MSH6: variants seen among roughly 807,000 people sequenced by gnomAD.
MSH6 encodes the protein DNA mismatch repair protein Msh6.
MSH6 carries 85 observed loss-of-function variants against 119.1 expected under a neutral mutation model. The ratio of observed to expected loss-of-function variants is 0.71; its 90% CI spans 0.60 to 0.85. MSH6 has a LOEUF of 0.85. Ranked by LOEUF, MSH6 falls within the 40% of genes least tolerant of loss-of-function variation. The pLI is 0.00. For missense variants in MSH6, 2,163 were observed against 1,655.3 expected (o/e 1.31, Z -5.32); for synonymous variants, 830 against 586.9 (o/e 1.41, Z -5.99).
intron 6 of MSH6, among the ~76,000 whole-genome samples, chr2:47,805,413 G>A (rs1435875541): frequency 2.0e-5 from 3 of 152,086 alleles, no homozygotes; most frequent in Admixed American, 2.0e-4. Flanking sequence ...CCTGACCTCA[G>A]GTGATCTGCT....
rs184131049 is a variant in MSH6 at position 47,806,642 on chromosome 2, G to T, written c.3992G>T (p.Arg1331Leu). Residue 1331 changes from arginine to leucine, a missense_variant, in exon 9 of 10, where the codon CGA becomes CTA. By Grantham distance (102) the Arg-to-Leu change is moderately radical. Coordinates refer to ENST00000234420, the MANE Select transcript of MSH6 (RefSeq NM_000179.3). ...REFEKMNQSLRLFREVCLASE... is the reference protein window; with the variant it reads ...REFEKMNQSLLLFREVCLASE... ...TTTGAGAAGATGAATCAGTCACTAC[G>T]ATTATTTCGGTAACTAACTAACTAT... The T allele has an allele frequency of 2.5e-6, 4 of 1,609,250 alleles. No homozygotes were observed. The African/African-American group carries it at 4.0e-5, about 16-fold the overall frequency.
intron 2 of MSH6, among the ~76,000 whole-genome samples, chr2:47,795,422 A>ATGTG (rs10699372): frequency 0.19 from 26,950 of 141,610 alleles, 3,520 homozygotes; most frequent in East Asian, 0.59. Context: ...AAGTTATTTT[A>ATGTG]TGTGTGTGTG....
chr2:47,795,973 A>C lies in MSH6; in HGVS notation c.537A>C (p.Ala179=). ...AAATACTGAGAGCAATGCAACGTGC[A>C]GATGAAGCCTTAAATAAAGACAAGA... ...KPEILRAMQR[A]DEALNKDKIK... is the part of the protein sequence containing the mutation. The change falls in exon 3 of 10, where the codon GCA becomes GCC. Residue 179 remains alanine (A), a synonymous_variant. Coordinates refer to ENST00000234420, the MANE Select transcript of MSH6 (RefSeq NM_000179.3). 6.2e-7 allele frequency: 1 copy of C among 1,614,192 alleles called. No individual in the cohort carries two copies. The highest frequency in any genetic ancestry group is 8.5e-7 in the Non-Finnish European group (1 of 1,180,012).
chr2:47,807,794 A>C, downstream of MSH6: 1 of 270,070 alleles, frequency 3.7e-6, no homozygotes, highest in Non-Finnish European at 7.1e-6. Flanking sequence ...TTACTACTGC[A>C]AATTGGACTG....
rs770011795 is a variant in MSH6, at chr2:47,805,950, C to T, written c.3646+243C>T. Among the ~76,000 whole-genome samples the T allele has an allele frequency of 1.1e-4, 17 of 152,130 alleles. 1 individual carries two copies. Among genetic ancestry groups the T allele is most frequent in the South Asian group, 2.1e-4 (1 of 4,832 alleles). ...TTGTAATAAAACATTTGTTATACTA[C>T]GGGGATGAGAACACTAATAGGAGGA... On this transcript the variant is annotated intron_variant, in intron 7 of 9. Coordinates refer to ENST00000234420, the MANE Select transcript of MSH6 (RefSeq NM_000179.3).
In MSH6 at chr2:47,798,960, C is replaced by T. The variant is rs587779323; in HGVS notation, c.977C>T (p.Ala326Val). The change falls in exon 4 of 10, where the codon GCA becomes GTA. Residue 326 changes from alanine (A) to valine (V), a missense_variant. Ala to Val is a moderately conservative substitution (Grantham distance 64). Coordinates refer to ENST00000234420, the MANE Select transcript of MSH6 (RefSeq NM_000179.3). ...GAAACGCCCTCAGCCACCAAACAAG[C>T]AACTAGCATTTCATCAGAAACCAAG... is the stretch of plus-strand genomic sequence containing the variant. Reference protein sequence around the residue: ...RKETPSATKQATSISSETKNT... With the variant: ...RKETPSATKQVTSISSETKNT... The T allele has an allele frequency of 6.2e-7, 1 of 1,614,208 alleles. No homozygotes were observed. The highest frequency in any genetic ancestry group is 8.5e-7 in the Non-Finnish European group (1 of 1,180,042).
chr2:47,804,625 CTCCTAGG>C (rs2104499635), intron 5 of MSH6, among the ~76,000 whole-genome samples: 1 of 151,810 alleles, frequency 6.6e-6, no homozygotes, highest in South Asian at 2.1e-4. Context: ...TTTTAAAGAG[CTCCTAGG>C]TGATTCTATT....
rs1558650202 is a variant in MSH6, at chr2:47,788,917, T to TTTTGTTTTTTTTTTTTGTTTTGTTTTG, written c.261-2007_261-2006insGTTTTTTTTTTTTGTTTTGTTTTGTTT. Among the ~76,000 whole-genome samples, 2 of 57,932 alleles carry TTTTGTTTTTTTTTTTTGTTTTGTTTTG rather than the reference T, an allele frequency of 3.5e-5. 1 individual carries two copies. The highest frequency in any genetic ancestry group is 1.3e-4 in the African/African-American group (2 of 15,588). The allele number at this position is 57,932 out of a possible 152,430, so 38.0% of individuals were successfully genotyped here. On this transcript the variant is annotated intron_variant, in intron 1 of 9. Coordinates refer to ENST00000234420, the MANE Select transcript of MSH6 (RefSeq NM_000179.3). ...CTTTCTTTCTTCTTCCTTTTTTTTT[T>TTTTGTTTTTTTTTTTTGTTTTGTTTTG]TTTTGTTTTTTTTTTTTTTTTTTTT...
intron 1 of MSH6, chr2:47,783,832 G>A: frequency 5.0e-6 from 4 of 807,870 alleles, no homozygotes; most frequent in Non-Finnish European, 6.2e-6. Flanking sequence ...GGTGGGGAGG[G>A]GGCCTGGGAG....
Position 47,803,416 on chromosome 2 carries a change from A to C in MSH6, c.3173-4A>C, listed in dbSNP as rs1437555847. ...AGCCTCACTTTTACCCTCTCTTTTA[A>C]CAGATGTTTTACTGTGCCTGGCTAA... On this transcript the variant is annotated splice_polypyrimidine_tract_variant and splice_region_variant and intron_variant, in intron 4 of 9. Coordinates refer to ENST00000234420, the MANE Select transcript of MSH6 (RefSeq NM_000179.3). 3.1e-6 allele frequency: 5 copies of C among 1,614,134 alleles called. No homozygotes were observed. The highest frequency in any genetic ancestry group is 4.2e-6 in the Non-Finnish European group (5 of 1,180,034).
At chr2:47,789,369 T>G (rs994524804) in intron 1 of MSH6, 1 of 420,644 alleles carries the variant, frequency 2.4e-6, no homozygotes, top group African/African-American at 2.1e-5. Flanking sequence ...AGGAATTTAT[T>G]TCAAAACTGA....
intron 9 of MSH6, 48 bp from the exon 10 acceptor site, chr2:47,806,731 A>G (rs756091399): frequency 5.8e-6 from 9 of 1,549,456 alleles, no homozygotes; most frequent in South Asian, 4.6e-5. Context: ...GGGATGATGC[A>G]CTATGAAAAA....
At chr2:47,788,906 C>CTTT (rs1491155839) in intron 1 of MSH6, among the ~76,000 whole-genome samples, 223 of 15,796 alleles carry the variant, frequency 0.014, 19 homozygotes, top group East Asian at 0.025. Context: ...CTTTCTTCTT[C>CTTT]CTTTTTTTTT....
At chr2:47,793,047 A>C (rs968667668) in intron 2 of MSH6, among the ~76,000 whole-genome samples, 1 of 151,616 alleles carries the variant, frequency 6.6e-6, no homozygotes, top group Non-Finnish European at 1.5e-5. Context: ...GGGGCCGGGC[A>C]TGGTGGCTCA....
intron 2 of MSH6, among the ~76,000 whole-genome samples, chr2:47,791,752 C>T (rs1572710090): frequency 6.6e-6 from 1 of 151,304 alleles, no homozygotes; most frequent in Admixed American, 6.6e-5. Context: ...AATCTCGGCC[C>T]ACTGCAACCT....
intron 5 of MSH6, 98 bp downstream of exon 5, chr2:47,803,783 C>T: frequency 1.4e-6 from 2 of 1,413,952 alleles, no homozygotes; most frequent in Non-Finnish European, 2.0e-6. Flanking sequence ...ACATAAAAGT[C>T]AGCCAGTGAC....
intron 3 of MSH6, among the ~76,000 whole-genome samples, chr2:47,798,307 C>G (rs1669218404): frequency 1.3e-5 from 2 of 152,256 alleles, no homozygotes; most frequent in Non-Finnish European, 2.9e-5. Context: ...GTTACATAAA[C>G]TAAAAACGTG....
At chr2:47,794,922 G>A (rs1668978553) in intron 2 of MSH6, among the ~76,000 whole-genome samples, 1 of 152,002 alleles carries the variant, frequency 6.6e-6, no homozygotes, top group Non-Finnish European at 1.5e-5. Context: ...AGCCTCCCGA[G>A]TAGCTAGGAC....
downstream of MSH6, chr2:47,808,024 C>T (rs1165705366): frequency 4.4e-6 from 5 of 1,149,292 alleles, no homozygotes; most frequent in South Asian, 5.8e-5. Context: ...ACAGTCTCTT[C>T]CTGTAGCATG....
Sources: allele counts gnomAD v4.1 joint callset (sites outside exome capture counted in the v4.1 genomes callset), GRCh38; gene constraint gnomAD v4.1.1; transcripts MANE v1.5; gene names NCBI Gene and HGNC (gene_info 2026-07-23, HGNC 2026-07-21).